SMC6: variants seen among roughly 807,000 people sequenced by gnomAD.
SMC6 encodes the protein structural maintenance of chromosomes 6.
Under a neutral mutation model 142.2 loss-of-function variants are expected in SMC6, and 79 were observed. The ratio of observed to expected loss-of-function variants is 0.56; its 90% CI spans 0.46 to 0.67. The LOEUF (loss-of-function observed/expected upper bound fraction) is 0.67, where lower values mean the gene tolerates loss of function less well. Ranked by LOEUF, SMC6 falls within the 30% of genes least tolerant of loss-of-function variation. The pLI, the probability that SMC6 is intolerant of heterozygous loss-of-function variation, is 0.00. For missense variants in SMC6, 1,072 were observed against 1,284.0 expected (o/e 0.83, Z 2.52); for synonymous variants, 411 against 412.4 (o/e 1.00, Z 0.04).
At chr2:17,705,055 G>A (rs1393807237) in intron 18 of SMC6, among the ~76,000 whole-genome samples, 1 of 151,886 alleles carries the variant, frequency 6.6e-6, no homozygotes, top group Non-Finnish European at 1.5e-5. Flanking sequence ...TCAGGAGTTC[G>A]AGACCAGCCT....
intron 7 of SMC6, among the ~76,000 whole-genome samples, chr2:17,729,023 A>G (rs1425184717): frequency 6.6e-6 from 1 of 152,142 alleles, no homozygotes; most frequent in Non-Finnish European, 1.5e-5. Flanking sequence ...GTGTGGGGAT[A>G]ACAGATGTGA....
chr2:17,751,276 C>G (rs2125098399), intron 2 of SMC6, among the ~76,000 whole-genome samples: 1 of 151,646 alleles, frequency 6.6e-6, no homozygotes, highest in East Asian at 2.0e-4. Flanking sequence ...AGGTAAGGCG[C>G]TCAAGACCAG....
intron 8 of SMC6, 50 bp downstream of exon 8, chr2:17,726,339 C>T: frequency 6.9e-7 from 1 of 1,440,800 alleles, no homozygotes; most frequent in Non-Finnish European, 9.6e-7. Context: ...TACAATATGC[C>T]TAAAGGTATT....
chr2:17,695,129 C>G (rs1200844463), intron 23 of SMC6, 23 bp downstream of exon 23: 2 of 1,610,636 alleles, frequency 1.2e-6, no homozygotes, highest in Non-Finnish European at 1.7e-6. Context: ...TGTGGTAAAG[C>G]AGAAAAGCTA....
chr2:17,692,875 C>A (rs1047024721), intron 23 of SMC6, among the ~76,000 whole-genome samples: 5 of 152,094 alleles, frequency 3.3e-5, no homozygotes, highest in African/African-American at 1.2e-4. Context: ...AACAAACAAC[C>A]CCATCAACAA....
chr2:17,722,656 T>A (rs1053763559), intron 9 of SMC6, among the ~76,000 whole-genome samples: 2 of 152,196 alleles, frequency 1.3e-5, no homozygotes, highest in African/African-American at 4.8e-5. Flanking sequence ...TGTCATTAAA[T>A]ACAGTGAGTT....
intron 25 of SMC6, among the ~76,000 whole-genome samples, chr2:17,671,578 C>T (rs1406238838): frequency 2.9e-5 from 4 of 137,894 alleles, no homozygotes; most frequent in African/African-American, 1.1e-4. Flanking sequence ...CATTGCACTC[C>T]AGCCTGGTCG....
chr2:17,666,710 C>T (rs1490477429), intron 26 of SMC6, among the ~76,000 whole-genome samples, 193 bp from the exon 27 acceptor site: 2 of 152,032 alleles, frequency 1.3e-5, no homozygotes, highest in Non-Finnish European at 2.9e-5. Context: ...TGGCTGGGTG[C>T]AGTGGCTCAT....
intron 7 of SMC6, among the ~76,000 whole-genome samples, chr2:17,729,604 C>T (rs1010009908): frequency 6.6e-6 from 1 of 152,172 alleles, no homozygotes; most frequent in African/African-American, 2.4e-5. Flanking sequence ...ATACAGTATA[C>T]TGAATGCCCC....
intron 21 of SMC6, among the ~76,000 whole-genome samples, chr2:17,696,953 C>T (rs1159576322): frequency 6.6e-6 from 1 of 151,792 alleles, no homozygotes; most frequent in East Asian, 1.9e-4. Context: ...ACGGCCACCA[C>T]TGGAAAAATA....
At chr2:17,709,766 A>C (rs940537838) in intron 16 of SMC6, among the ~76,000 whole-genome samples, 3 of 152,178 alleles carry the variant, frequency 2.0e-5, no homozygotes, top group African/African-American at 7.2e-5. Flanking sequence ...TACACACACA[A>C]AAAAAGACGA....
intron 2 of SMC6, among the ~76,000 whole-genome samples, chr2:17,750,679 C>T (rs1384553715): frequency 2.0e-5 from 3 of 152,040 alleles, no homozygotes; most frequent in Non-Finnish European, 4.4e-5. Context: ...TCCTTCATCT[C>T]GTCTATCCTT....
intron 23 of SMC6, among the ~76,000 whole-genome samples, chr2:17,694,313 A>G (rs1667890076): frequency 6.6e-6 from 1 of 152,208 alleles, no homozygotes; most frequent in South Asian, 2.1e-4. Context: ...TTTAGTTAAC[A>G]ACAATGTAAG....
intron 12 of SMC6, among the ~76,000 whole-genome samples, chr2:17,717,423 G>A (rs190373767): frequency 3.9e-5 from 6 of 152,292 alleles, no homozygotes; most frequent in Non-Finnish European, 7.4e-5. Context: ...TGTAATCCCA[G>A]CACTTTGGGA....
At chr2:17,752,629 A>C (rs1671103498) in intron 2 of SMC6, among the ~76,000 whole-genome samples, 1 of 152,344 alleles carries the variant, frequency 6.6e-6, no homozygotes, top group Non-Finnish European at 1.5e-5. Context: ...TTTGAAATAC[A>C]TGTTCCAACA....
chr2:17,731,314 AG>A (rs1343634726), intron 6 of SMC6, among the ~76,000 whole-genome samples, 175 bp from the exon 7 acceptor site: 1 of 152,272 alleles, frequency 6.6e-6, no homozygotes, highest in African/African-American at 2.4e-5. Context: ...AGGAAGAAAA[AG>A]TACCCACATG....
At position 17,714,029 on chromosome 2, in the gene SMC6, G is replaced by A. The variant is rs189731261; in HGVS notation, c.1730+832C>T. ...TTTATTTTAAAAAGTGGAGATGGGA[G>A]AGAAAAGAAATTTTAAAATGTCATC... On this transcript the variant is annotated intron_variant, in intron 16 of 27. Transcript: ENST00000448223. 3.8e-4 allele frequency among the ~76,000 whole-genome samples: 57 copies of A among 151,688 alleles called. No homozygotes were observed. In the East Asian group the frequency reaches 9.1e-3, roughly 24 times the overall value.
chr2:17,716,340 CTACA>C (rs1284620393), intron 14 of SMC6, 76 bp from the exon 15 acceptor site: 77 of 1,410,210 alleles, frequency 5.5e-5, no homozygotes, highest in Non-Finnish European at 6.9e-5. Context: ...CCCATAACAC[CTACA>C]TCCCAGTGAA....
chr2:17,685,878 T>G lies in SMC6; in HGVS notation c.2679-2115A>C, dbSNP rs182676235. 3.3e-5 allele frequency among the ~76,000 whole-genome samples: 5 copies of G among 152,086 alleles called. No individual in the cohort carries two copies. The East Asian group carries it at 9.7e-4, about 29-fold the overall frequency. ...AGAAAAATCTGCAATATTTGGCTAATACTCCATATATATCTATATATATAT... is the reference window on the plus strand; with the variant it reads ...AGAAAAATCTGCAATATTTGGCTAAGACTCCATATATATCTATATATATAT... On this transcript the variant is annotated intron_variant, in intron 23 of 27. Transcript: ENST00000448223.
Sources: gnomAD v4.1 joint callset for allele counts (sites outside exome capture counted in the v4.1 genomes callset) on GRCh38, gnomAD v4.1.1 for gene constraint, MANE v1.5 for transcripts, NCBI Gene and HGNC (gene_info 2026-07-23, HGNC 2026-07-21) for gene names.